TKTL1: variants seen among roughly 807,000 people sequenced by gnomAD.
The protein encoded by TKTL1 is transketolase like 1.
Under a neutral mutation model 39.3 loss-of-function variants are expected in TKTL1, and 1 was observed. The ratio of observed to expected loss-of-function variants is 0.03; its 90% CI spans 0.01 to 0.12. The LOEUF (loss-of-function observed/expected upper bound fraction) is 0.12, where lower values mean the gene tolerates loss of function less well. TKTL1 is among the 10% of genes least tolerant of loss of function. The probability of loss-of-function intolerance (pLI) is 1.00; values close to 1 mark genes in which losing one functional copy is unlikely to be tolerated. For synonymous variants in TKTL1, 262 were observed against 193.8 expected, an observed-to-expected ratio of 1.35 and a Z score of -2.92; for missense variants, 575 against 509.6, an observed-to-expected ratio of 1.13 and a Z score of -1.24.
chrX:154,304,779 C>T (rs1557166774), intron 1 of TKTL1: 1 of 244,771 alleles, frequency 4.1e-6, no homozygotes, highest in East Asian at 1.1e-4. Context: ...TCCCCTCCCC[C>T]TTTTTAATTA....
In TKTL1 at chrX:154,329,496, T is replaced by C. The variant is rs2067520446; in HGVS notation, c.1619-20T>C. 3 of 1,207,009 alleles carry C rather than the reference T, an allele frequency of 2.5e-6. No homozygotes were observed. Among genetic ancestry groups the C allele is most frequent in the East Asian group, 5.9e-5 (2 of 33,720 alleles). ...GACGAGCTGCTTTCACAAAAGGGCC[T>C]AACATCCTTGTTTCCCCAGGTGGCA... On this transcript the variant is annotated intron_variant, in intron 12 of 12. Coordinates refer to ENST00000369915, the MANE Select transcript of TKTL1 (RefSeq NM_012253.4).
At chrX:154,297,241 AG>A (rs201241492) in intron 1 of TKTL1, among the ~76,000 whole-genome samples, 11,955 of 105,556 alleles carry the variant, frequency 0.11, 1,526 homozygotes, top group African/African-American at 0.37. Context: ...ATTGGTCTAC[AG>A]GTTTTTTTTG....
At chrX:154,325,123 G>C (rs985242359) in intron 9 of TKTL1, among the ~76,000 whole-genome samples, 2 of 112,149 alleles carry the variant, frequency 1.8e-5, no homozygotes, top group Non-Finnish European at 3.8e-5. Context: ...CAAGGGGATT[G>C]GTGTGATGGC....
Position 154,315,412 on chromosome X carries a change from T to G in TKTL1, c.1029+75T>G, listed in dbSNP as rs1557169196. ...ACACAGGAGGCCCAGCCTGTGCTAG[T>G]TTTTCTTTCCATTTATGAAAGCAAA... is the stretch of plus-strand genomic sequence containing the variant. On this transcript the variant is annotated intron_variant, in intron 7 of 12. Transcript: ENST00000369915. The G allele has an allele frequency of 3.9e-6, 4 of 1,021,359 alleles. No individual in the cohort carries two copies. The Admixed American group carries it at 1.2e-4, about 30-fold the overall frequency. The allele number at this position is 1,021,359 out of a possible 1,213,427, so 84.2% of individuals were successfully genotyped here. A position where few individuals can be genotyped will look rare whatever the true frequency, so the allele number is the denominator to read the frequency against.
intron 7 of TKTL1, among the ~76,000 whole-genome samples, chrX:154,319,479 G>A (rs367593640): frequency 6.3e-5 from 7 of 111,845 alleles, no homozygotes; most frequent in Admixed American, 3.8e-4. Context: ...AGTGGCTCAC[G>A]CCCGTAATCC....
intron 9 of TKTL1, 28 bp from the exon 10 acceptor site, chrX:154,325,311 C>T (rs782433499): frequency 2.7e-5 from 32 of 1,186,319 alleles, no homozygotes; most frequent in Non-Finnish European, 3.6e-5. Context: ...GTTTGCTTTT[C>T]TAAACCATGG....
At chrX:154,319,129 C>G (rs782006488) in intron 7 of TKTL1, among the ~76,000 whole-genome samples, 5 of 111,620 alleles carry the variant, frequency 4.5e-5, no homozygotes, top group Non-Finnish European at 9.4e-5. Flanking sequence ...GCTATGAAAC[C>G]TTACTTACAT....
At chrX:154,304,845 T>C in intron 1 of TKTL1, 1 of 356,203 alleles carries the variant, frequency 2.8e-6, no homozygotes, top group South Asian at 3.3e-5. Context: ...GCAGTTACTT[T>C]GGCAGCATTC....
chrX:154,295,831 G>C lies in TKTL1; in HGVS notation c.-29G>C. ...TTCAGACGCCGGAGACGTAGGAGTG[G>C]GTCTTCAGACTCCAAAGGGGTTGGA... is the stretch of plus-strand genomic sequence containing the variant. On this transcript the variant is annotated 5_prime_UTR_variant, in exon 1 of 13. Transcript: ENST00000369915. 2 of 1,204,005 alleles carry C rather than the reference G, an allele frequency of 1.7e-6. No homozygotes were observed. The highest frequency in any genetic ancestry group is 2.2e-6 in the Non-Finnish European group (2 of 890,991).
intron 7 of TKTL1, among the ~76,000 whole-genome samples, chrX:154,316,873 G>A (rs180768688): frequency 2.1e-3 from 223 of 108,680 alleles, no homozygotes; most frequent in African/African-American, 7.0e-3. Context: ...AGGTTCAAGC[G>A]ATTCCCTTGC....
chrX:154,309,525 C>T (rs2067339802), intron 3 of TKTL1, 83 bp downstream of exon 3: 9 of 845,082 alleles, frequency 1.1e-5, no homozygotes, highest in Middle Eastern at 3.0e-4. Context: ...CACCTATCTC[C>T]GTGATGTGGA....
intron 7 of TKTL1, among the ~76,000 whole-genome samples, chrX:154,318,990 T>G (rs981125062): frequency 2.8e-5 from 3 of 109,080 alleles, no homozygotes; most frequent in Admixed American, 1.9e-4. Flanking sequence ...GAGCATTAGG[T>G]TTTTTTTTCT....
At chrX:154,298,958 C>G (rs2067251614) in intron 1 of TKTL1, among the ~76,000 whole-genome samples, 1 of 109,763 alleles carries the variant, frequency 9.1e-6, no homozygotes, top group African/African-American at 3.3e-5. Flanking sequence ...GATCTGCCCG[C>G]TTCGGCTCCC....
At chrX:154,310,797 T>A (rs782789543) in intron 3 of TKTL1, 39 bp from the exon 4 acceptor site, 3 of 1,139,396 alleles carry the variant, frequency 2.6e-6, no homozygotes, top group Non-Finnish European at 3.6e-6. Flanking sequence ...GCCCAGATGA[T>A]CCCCCACAGG....
At chrX:154,324,579 T>C (rs2067478990) in intron 9 of TKTL1, among the ~76,000 whole-genome samples, 2 of 111,591 alleles carry the variant, frequency 1.8e-5, no homozygotes, top group African/African-American at 6.5e-5. Flanking sequence ...TGCTTCATAG[T>C]GGGGGGAGAC....
At chrX:154,304,744 G>A (rs1218999705) in intron 1 of TKTL1, among the ~76,000 whole-genome samples, 3 of 109,888 alleles carry the variant, frequency 2.7e-5, no homozygotes, top group Non-Finnish European at 5.7e-5. Context: ...GCTCCAGGGA[G>A]TTGGTTTTGT....
rs782217671 is a variant in TKTL1 at position 154,295,911 on chromosome X, A to G, written c.52A>G (p.Arg18Gly). The G allele has an allele frequency of 3.3e-6, 4 of 1,210,319 alleles. No homozygotes were observed. Among genetic ancestry groups the G allele is most frequent in the Admixed American group, 4.4e-5 (2 of 45,839 alleles). Residue 18 changes from arginine (R) to glycine (G), a missense_variant, in exon 1 of 13, where the codon AGG (arginine) becomes GGG (glycine). Transcript: ENST00000369915. ...AEFPEEARPD[R>G]GTLQVLQDMA... ...GTTCCCGGAGGAGGCCAGACCTGACAGGGGCACCTTGCAGGTGTTGCAAGA... is the reference window on the plus strand; with the variant it reads ...GTTCCCGGAGGAGGCCAGACCTGACGGGGGCACCTTGCAGGTGTTGCAAGA...
chrX:154,306,472 A>C (rs1428712117), intron 2 of TKTL1, among the ~76,000 whole-genome samples: 1 of 112,082 alleles, frequency 8.9e-6, no homozygotes, highest in East Asian at 2.8e-4. Flanking sequence ...ATGGTTTGGC[A>C]AAAAATAAAT....
intron 1 of TKTL1, among the ~76,000 whole-genome samples, chrX:154,300,164 C>T (rs1557165600): frequency 1.8e-5 from 2 of 111,017 alleles, no homozygotes; most frequent in African/African-American, 3.3e-5. Flanking sequence ...TACAGGCACA[C>T]GCCACCACTG....
Sources: allele counts gnomAD v4.1 joint callset (sites outside exome capture counted in the v4.1 genomes callset), GRCh38; gene constraint gnomAD v4.1.1; transcripts MANE v1.5; gene names NCBI Gene and HGNC (gene_info 2026-07-23, HGNC 2026-07-21).